CXCL13: variants seen among roughly 807,000 people sequenced by gnomAD.
CXCL13 encodes the protein C-X-C motif chemokine ligand 13, also known as C-X-C motif chemokine 13.
In CXCL13, 7 loss-of-function variants were observed where a neutral mutation model predicts 12.2. The ratio of observed to expected loss-of-function variants is 0.57; its 90% CI spans 0.33 to 1.07. CXCL13 has a LOEUF of 1.07. Ranked by LOEUF, CXCL13 falls within the 50% of genes least tolerant of loss-of-function variation. The pLI is 0.04. For missense variants in CXCL13, 113 were observed against 127.4 expected, an observed-to-expected ratio of 0.89 and a Z score of 0.55; for synonymous variants, 47 against 42.4, an observed-to-expected ratio of 1.11 and a Z score of -0.42.
At position 77,610,630 on chromosome 4, in the gene CXCL13, A is replaced by G; in HGVS notation, c.214A>G (p.Lys72Glu). The G allele has an allele frequency of 1.9e-6, 3 of 1,612,566 alleles. No homozygotes were observed. Among genetic ancestry groups the G allele is most frequent in the Non-Finnish European group, 2.5e-6 (3 of 1,178,574 alleles). Residue 72 changes from lysine to glutamate, a missense_variant, in exon 3 of 4, where the codon AAG (lysine) becomes GAG (glutamate). Lys to Glu is a moderately conservative substitution (Grantham distance 56). Transcript: ENST00000682537. ...RKEIIVWKKN[K>E]SIVCVDPQAE... Reference sequence around the variant, plus strand: ...TTCCCCCAGAGTCTGGAAGAAGAACAAGTCAATTGTGTGTGTGGACCCTCA... The same window carrying G: ...TTCCCCCAGAGTCTGGAAGAAGAACGAGTCAATTGTGTGTGTGGACCCTCA...
chr4:77,530,142 G>C (rs191986326), intron 1 of CXCL13, among the ~76,000 whole-genome samples: 3 of 152,148 alleles, frequency 2.0e-5, no homozygotes, highest in African/African-American at 4.8e-5. Context: ...GATCATGGTG[G>C]ATAAGCTTCT....
intron 2 of CXCL13, among the ~76,000 whole-genome samples, chr4:77,610,059 A>G (rs1727108838): frequency 6.6e-6 from 1 of 152,198 alleles, no homozygotes; most frequent in African/African-American, 2.4e-5. Context: ...CACTTTTGCT[A>G]TTGCTTAATA....
intron 1 of CXCL13, among the ~76,000 whole-genome samples, chr4:77,536,879 C>A (rs1725070462): frequency 6.6e-6 from 1 of 152,096 alleles, no homozygotes; most frequent in South Asian, 2.1e-4. Flanking sequence ...AAAAAGCTAT[C>A]TCATTTTTTT....
chr4:77,581,526 C>T (rs1293371168), intron 1 of CXCL13, among the ~76,000 whole-genome samples: 3 of 152,144 alleles, frequency 2.0e-5, no homozygotes, highest in Non-Finnish European at 4.4e-5. Context: ...TCAAATGAGA[C>T]CTGAGTTCTT....
At chr4:77,583,226 C>A (rs1431122833) in intron 1 of CXCL13, among the ~76,000 whole-genome samples, 1 of 152,194 alleles carries the variant, frequency 6.6e-6, no homozygotes, top group East Asian at 1.9e-4. Context: ...TTTTGTCCAT[C>A]TGGACCACTT....
chr4:77,532,566 G>A (rs193187137), intron 1 of CXCL13, among the ~76,000 whole-genome samples: 33 of 152,194 alleles, frequency 2.2e-4, no homozygotes, highest in East Asian at 1.9e-3. Flanking sequence ...GGCGTTCTCC[G>A]TATTTCCTGA....
chr4:77,606,603 C>T (rs1727009425), intron 1 of CXCL13, among the ~76,000 whole-genome samples: 1 of 152,162 alleles, frequency 6.6e-6, no homozygotes, highest in African/African-American at 2.4e-5. Context: ...TTTAATTTTG[C>T]TTCACATGTT....
In CXCL13 at chr4:77,611,752, C is replaced by CG; in HGVS notation, c.*719dup. On this transcript the variant is annotated 3_prime_UTR_variant, in exon 4 of 4. Transcript: ENST00000682537. ...TGACTTTTTTTGTGGGGGGCGGGGC[C>CG]GGGGGGACTCTGGTATCTAATTCTT... 5.2e-6 allele frequency: 2 copies of CG among 388,346 alleles called. No homozygotes were observed. Among genetic ancestry groups the CG allele is most frequent in the Non-Finnish European group, 8.9e-6 (2 of 223,596 alleles). The allele number at this position is 388,346 out of a possible 1,614,324, so 24.1% of individuals were successfully genotyped here.
intron 1 of CXCL13, among the ~76,000 whole-genome samples, chr4:77,553,128 C>A (rs368493481): frequency 6.6e-6 from 1 of 152,192 alleles, no homozygotes; most frequent in Non-Finnish European, 1.5e-5. Context: ...ACATACACAC[C>A]TATTCCAGGT....
chr4:77,530,726 C>G (rs1362887752), intron 1 of CXCL13, among the ~76,000 whole-genome samples: 1 of 152,134 alleles, frequency 6.6e-6, no homozygotes, highest in African/African-American at 2.4e-5. Flanking sequence ...AAAAAACCAG[C>G]TCCTGGATTC....
In CXCL13 at chr4:77,566,994, G is replaced by A. The variant is rs145223742; in HGVS notation, c.-42-38830G>A. On this transcript the variant is annotated intron_variant, in intron 1 of 4. Coordinates refer to the CXCL13 transcript ENST00000286758. ...TTCACAAATGAAGTGAAAATAGCCA[G>A]TTCCTGCCTTAACTGATGACATCCC... 6.5e-3 allele frequency among the ~76,000 whole-genome samples: 989 copies of A among 152,272 alleles called. 11 individuals are homozygous for A. The highest frequency in any genetic ancestry group is 0.026 in the South Asian group (127 of 4,822).
intron 1 of CXCL13, among the ~76,000 whole-genome samples, chr4:77,558,807 A>T (rs535906536): frequency 1.3e-5 from 2 of 152,272 alleles, no homozygotes; most frequent in South Asian, 4.1e-4. Flanking sequence ...TTATGAGTTG[A>T]ACCTCCTTTG....
chr4:77,603,551 G>A (rs532465756), upstream of CXCL13, among the ~76,000 whole-genome samples: 59 of 152,294 alleles, frequency 3.9e-4, 1 homozygote, highest in African/African-American at 1.3e-3. Context: ...CAATGGAAAA[G>A]ATCAACAGGT....
chr4:77,610,567 T>C lies in CXCL13; in HGVS notation c.198-47T>C, dbSNP rs111694165. ...TCTTTTCTTTATTAAAAGTATAGGA[T>C]TGACTAAAATGTAAGACTGAATTAT... On this transcript the variant is annotated intron_variant, in intron 2 of 3. Coordinates refer to ENST00000682537, the MANE Select transcript of CXCL13 (RefSeq NM_001371558.1). The C allele has an allele frequency of 3.1e-4, 429 of 1,363,168 alleles. No homozygotes were observed. In the African/African-American group the frequency reaches 5.5e-3, roughly 17 times the overall value. The allele number at this position is 1,363,168 out of a possible 1,614,324, so 84.4% of individuals were successfully genotyped here.
At chr4:77,598,233 C>A (rs1726809797) in intron 1 of CXCL13, among the ~76,000 whole-genome samples, 1 of 152,128 alleles carries the variant, frequency 6.6e-6, no homozygotes, top group African/African-American at 2.4e-5. Flanking sequence ...TTGCGGAAGC[C>A]GTTGGTTCAG....
At chr4:77,594,975 T>A (rs542842486) in intron 1 of CXCL13, among the ~76,000 whole-genome samples, 2 of 151,818 alleles carry the variant, frequency 1.3e-5, no homozygotes, top group South Asian at 4.2e-4. Flanking sequence ...GGGAAAAAAA[T>A]TGGCCACGGT....
intron 1 of CXCL13, among the ~76,000 whole-genome samples, chr4:77,580,440 C>T (rs1297213436): frequency 1.4e-5 from 2 of 145,248 alleles, no homozygotes; most frequent in African/African-American, 2.5e-5. Flanking sequence ...AATTCTTCTG[C>T]CTCAGCCTCC....
intron 1 of CXCL13, among the ~76,000 whole-genome samples, chr4:77,540,447 T>A (rs1000872210): frequency 6.6e-6 from 1 of 152,112 alleles, no homozygotes; most frequent in African/African-American, 2.4e-5. Context: ...CTCCCCAATG[T>A]CTGTTGTTTC....
intron 1 of CXCL13, among the ~76,000 whole-genome samples, chr4:77,590,105 T>G (rs1484886305): frequency 1.3e-5 from 2 of 152,196 alleles, no homozygotes; most frequent in Non-Finnish European, 2.9e-5. Flanking sequence ...AGTTCCAAGG[T>G]AGTCAGAGAC....
Sources: gnomAD v4.1 joint callset for allele counts (sites outside exome capture counted in the v4.1 genomes callset) on GRCh38, gnomAD v4.1.1 for gene constraint, MANE v1.5 for transcripts, NCBI Gene and HGNC (gene_info 2026-07-23, HGNC 2026-07-21) for gene names.